The following TRPM3 variants were observed in gnomAD, a reference collection of about 807,000 sequenced individuals.
TRPM3 encodes the protein long transient receptor potential channel 3.
Under a neutral mutation model 181.2 loss-of-function variants are expected in TRPM3, and 77 were observed. The observed-to-expected ratio is 0.42, with a 90% CI of 0.35 to 0.51. The LOEUF (loss-of-function observed/expected upper bound fraction) is 0.51. Ranked by LOEUF, TRPM3 falls within the 20% of genes least tolerant of loss-of-function variation. TRPM3 has a pLI of 0.01. For missense variants in TRPM3, 1,759 were observed against 2,196.7 expected (o/e 0.80, Z 3.98); for synonymous variants, 745 against 796.4 (o/e 0.94, Z 1.09).
intron 18 of TRPM3, among the ~76,000 whole-genome samples, chr9:70,615,337 G>A (rs760699967): frequency 2.6e-5 from 4 of 152,198 alleles, no homozygotes; most frequent in Non-Finnish European, 5.9e-5. Context: ...CTCAGGCGGG[G>A]GTTGCAAGAA....
chr9:71,332,942 T>A (rs76073747), intron 1 of TRPM3, among the ~76,000 whole-genome samples: 13,866 of 151,828 alleles, frequency 0.091, 1,135 homozygotes, highest in African/African-American at 0.2. Context: ...TTCAAATCAA[T>A]ATTAGGAGAA....
intron 18 of TRPM3, among the ~76,000 whole-genome samples, chr9:70,612,525 C>T (rs775944586): frequency 6.6e-6 from 1 of 152,214 alleles, no homozygotes; most frequent in African/African-American, 2.4e-5. Flanking sequence ...CAAATATCCA[C>T]TTTACTCAAC....
At chr9:71,426,283 A>T (rs968539796) in intron 1 of TRPM3, among the ~76,000 whole-genome samples, 1 of 52,492 alleles carries the variant, frequency 1.9e-5, no homozygotes, top group Non-Finnish European at 4.3e-5. Context: ...CAGCCCCAGC[A>T]ACTCTTTTTT....
intron 1 of TRPM3, among the ~76,000 whole-genome samples, chr9:71,283,872 C>CAACATCTATG (rs2085060850): frequency 6.6e-6 from 1 of 152,216 alleles, no homozygotes; most frequent in Non-Finnish European, 1.5e-5. Flanking sequence ...AGTTCAGATA[C>CAACATCTATG]TGTCTTCTGA....
At chr9:71,356,919 G>T (rs896018236) in intron 1 of TRPM3, among the ~76,000 whole-genome samples, 4 of 152,076 alleles carry the variant, frequency 2.6e-5, no homozygotes, top group African/African-American at 9.7e-5. Flanking sequence ...TAAGACCTAG[G>T]ACAGAAATGT....
intron 5 of TRPM3, among the ~76,000 whole-genome samples, 199 bp from the exon 6 acceptor site, chr9:70,828,217 C>T (rs750447234): frequency 3.9e-5 from 6 of 152,144 alleles, no homozygotes; most frequent in Non-Finnish European, 7.4e-5. Flanking sequence ...CAAGACTGTG[C>T]TTAAATGAGT....
Position 70,629,227 on chromosome 9 carries a change from GGGC to G in TRPM3, c.1633-3713_1633-3711del, listed in dbSNP as rs1405441143. 1.8e-3 allele frequency among the ~76,000 whole-genome samples: 160 copies of G among 87,144 alleles called. 9 individuals carry two copies. Among genetic ancestry groups the G allele is most frequent in the African/African-American group, 5.9e-3 (158 of 26,758 alleles). 57.2% of individuals were successfully genotyped at this position (87,144 alleles called of 152,430 possible). On this transcript the variant is annotated intron_variant, in intron 12 of 25. Coordinates refer to ENST00000677713, the MANE Select transcript of TRPM3 (RefSeq NM_001366145.2). ...CTGTGACCAGTGCCGGGGGGGGGGG[GGGC>G]CTGCGTTCTGTTTGACCACAAGGGG...
intron 6 of TRPM3, among the ~76,000 whole-genome samples, chr9:70,820,145 T>C (rs2093043242): frequency 6.6e-6 from 1 of 152,244 alleles, no homozygotes. Context: ...AATTTTTCTC[T>C]ATTATTCTCT....
intron 1 of TRPM3, among the ~76,000 whole-genome samples, chr9:71,056,054 A>G (rs1478301008): frequency 6.6e-6 from 1 of 152,052 alleles, no homozygotes; most frequent in Non-Finnish European, 1.5e-5. Flanking sequence ...TCCCAATTTT[A>G]CACATGAATG....
intron 1 of TRPM3, among the ~76,000 whole-genome samples, chr9:70,924,359 A>G (rs909809470): frequency 7.9e-5 from 12 of 152,120 alleles, no homozygotes; most frequent in African/African-American, 2.7e-4. Context: ...TATATTGTGA[A>G]TATTTCTTCA....
At chr9:70,939,589 G>C (rs2133532836) in intron 1 of TRPM3, among the ~76,000 whole-genome samples, 1 of 152,320 alleles carries the variant, frequency 6.6e-6, no homozygotes. Flanking sequence ...CACAAGGGTT[G>C]ATTTTGCAAG....
chr9:71,050,863 T>A (rs866543950), intron 1 of TRPM3, among the ~76,000 whole-genome samples: 4 of 152,064 alleles, frequency 2.6e-5, no homozygotes, highest in African/African-American at 9.7e-5. Flanking sequence ...CTCCCCTTAG[T>A]CCAGATGCAT....
chr9:71,267,689 T>C (rs1377925631), intron 1 of TRPM3, among the ~76,000 whole-genome samples: 1 of 152,230 alleles, frequency 6.6e-6, no homozygotes, highest in Non-Finnish European at 1.5e-5. Flanking sequence ...TGTGTGATTA[T>C]TAATTATACT....
intron 1 of TRPM3, among the ~76,000 whole-genome samples, chr9:71,283,662 C>G (rs2085041993): frequency 6.6e-6 from 1 of 152,152 alleles, no homozygotes. Flanking sequence ...TTTTGTTTAT[C>G]CATTCATCTG....
chr9:70,906,784 T>C (rs923431716), intron 1 of TRPM3, among the ~76,000 whole-genome samples: 1 of 151,984 alleles, frequency 6.6e-6, no homozygotes, highest in Non-Finnish European at 1.5e-5. Flanking sequence ...GCACCTATAA[T>C]CCCAGCTACT....
intron 6 of TRPM3, among the ~76,000 whole-genome samples, chr9:70,815,310 A>C (rs2092592354): frequency 6.6e-6 from 1 of 152,134 alleles, no homozygotes; most frequent in African/African-American, 2.4e-5. Flanking sequence ...ATGAATCTTT[A>C]GGCTATTTCC....
intron 1 of TRPM3, among the ~76,000 whole-genome samples, chr9:71,380,178 C>T (rs2092765501): frequency 6.6e-6 from 1 of 151,958 alleles, no homozygotes; most frequent in South Asian, 2.1e-4. Context: ...TGGCTATTTG[C>T]TTGCGGGGAA....
At chr9:71,114,225 C>A (rs77438770) in intron 1 of TRPM3, among the ~76,000 whole-genome samples, 34 of 152,180 alleles carry the variant, frequency 2.2e-4, no homozygotes, top group African/African-American at 8.0e-4. Context: ...TATCCCTACA[C>A]TACAACTCCT....
intron 22 of TRPM3, among the ~76,000 whole-genome samples, chr9:70,571,084 T>C (rs1192425088): frequency 6.6e-6 from 1 of 152,162 alleles, no homozygotes; most frequent in Non-Finnish European, 1.5e-5. Context: ...TTTGGAGGCT[T>C]GACAGGAAAA....
Sources: allele counts gnomAD v4.1 joint callset (sites outside exome capture counted in the v4.1 genomes callset), GRCh38; gene constraint gnomAD v4.1.1; transcripts MANE v1.5; gene names NCBI Gene and HGNC (gene_info 2026-07-23, HGNC 2026-07-21).